The following CTNNA3 variants were observed in gnomAD, a reference collection of about 807,000 sequenced individuals.
CTNNA3 encodes the protein catenin alpha 3, also known as catenin alpha-3.
In CTNNA3, 76 loss-of-function variants were observed where a neutral mutation model predicts 95.7. That is an observed-to-expected ratio of 0.79 (90% CI 0.66 to 0.96). CTNNA3 has a LOEUF of 0.96. CTNNA3 is among the 40% of genes least tolerant of loss of function. CTNNA3 has a pLI of 0.00. For missense variants in CTNNA3, 1,191 were observed against 1,089.8 expected (o/e 1.09, Z -1.31); for synonymous variants, 431 against 374.4 (o/e 1.15, Z -1.74).
chr10:66,770,399 A>G (rs1157378720), intron 8 of CTNNA3, among the ~76,000 whole-genome samples: 1 of 152,178 alleles, frequency 6.6e-6, no homozygotes. Context: ...CAATATGCCA[A>G]TATAGAAATG....
At chr10:67,362,141 C>A (rs528867636) in intron 5 of CTNNA3, among the ~76,000 whole-genome samples, 89 of 151,788 alleles carry the variant, frequency 5.9e-4, no homozygotes, top group Admixed American at 9.2e-4. Flanking sequence ...TTCTACCAAC[C>A]AATAAAAGCC....
chr10:66,157,409 ATAGGTAGG>A (rs3053719), intron 13 of CTNNA3, among the ~76,000 whole-genome samples: 3,204 of 151,042 alleles, frequency 0.021, 118 homozygotes, highest in African/African-American at 0.074. Flanking sequence ...TCTATCATAG[ATAGGTAGG>A]TAGGTAGGTA....
chr10:66,378,747 C>T (rs1420161836), intron 12 of CTNNA3, among the ~76,000 whole-genome samples: 4 of 152,080 alleles, frequency 2.6e-5, no homozygotes, highest in Non-Finnish European at 5.9e-5. Flanking sequence ...TCTCTGGAAA[C>T]GTAGGACAGA....
chr10:67,530,068 C>G (rs184397346), intron 4 of CTNNA3, among the ~76,000 whole-genome samples: 2 of 152,328 alleles, frequency 1.3e-5, no homozygotes, highest in Admixed American at 6.5e-5. Flanking sequence ...GATTGTGTAG[C>G]CTCCCCAGCA....
chr10:67,033,265 G>A, intron 7 of CTNNA3, among the ~76,000 whole-genome samples: 1 of 152,120 alleles, frequency 6.6e-6, no homozygotes, highest in East Asian at 1.9e-4. Flanking sequence ...TTATGTGAGG[G>A]TGCTTTCCAG....
At position 67,272,506 on chromosome 10, in the gene CTNNA3, T is replaced by C. The variant is rs1217823259; in HGVS notation, c.580-52636A>G. Among the ~76,000 whole-genome samples the C allele has an allele frequency of 2.0e-5, 3 of 152,136 alleles. 1 individual carries two copies. The highest frequency in any genetic ancestry group is 4.8e-5 in the African/African-American group (2 of 41,420). Reference sequence around the variant, plus strand: ...AGTTGGAGGCTGTAGTCAGCTATCATTGTACCACTGCACTCCAGCCTGAGC... The same window carrying C: ...AGTTGGAGGCTGTAGTCAGCTATCACTGTACCACTGCACTCCAGCCTGAGC... On this transcript the variant is annotated intron_variant, in intron 5 of 17. Transcript: ENST00000433211.
chr10:66,489,709 T>C (rs1839857986), intron 11 of CTNNA3, among the ~76,000 whole-genome samples: 1 of 152,196 alleles, frequency 6.6e-6, no homozygotes, highest in Admixed American at 6.5e-5. Flanking sequence ...ATGCAAGTTA[T>C]GAAGAACTTT....
chr10:67,521,738 A>T (rs1296193725), intron 5 of CTNNA3, 104 bp downstream of exon 5: 1 of 1,407,196 alleles, frequency 7.1e-7, no homozygotes, highest in African/African-American at 1.4e-5. Context: ...TGCTCTAACC[A>T]TTAGAAGATA....
intron 3 of CTNNA3, among the ~76,000 whole-genome samples, chr10:67,580,386 C>G: frequency 6.6e-6 from 1 of 151,744 alleles, no homozygotes; most frequent in East Asian, 1.9e-4. Flanking sequence ...GGTATTATTT[C>G]TGAGGGCTCT....
At chr10:67,082,289 G>A (rs1857094293) in intron 7 of CTNNA3, among the ~76,000 whole-genome samples, 1 of 152,112 alleles carries the variant, frequency 6.6e-6, no homozygotes, top group African/African-American at 2.4e-5. Flanking sequence ...TAGTCCATCT[G>A]TGCTTTCTTC....
At chr10:66,471,440 T>C (rs948727660) in intron 11 of CTNNA3, among the ~76,000 whole-genome samples, 9 of 151,864 alleles carry the variant, frequency 5.9e-5, no homozygotes, top group Non-Finnish European at 2.9e-5. Flanking sequence ...GATGTTTTTG[T>C]CTTCTTTTTA....
At chr10:66,990,022 T>G (rs1850957610) in intron 7 of CTNNA3, among the ~76,000 whole-genome samples, 1 of 152,176 alleles carries the variant, frequency 6.6e-6, no homozygotes, top group African/African-American at 2.4e-5. Flanking sequence ...CGAAGAGAAA[T>G]GCAATAATAA....
At chr10:66,792,101 T>C (rs1385429260) in intron 7 of CTNNA3, among the ~76,000 whole-genome samples, 2 of 152,224 alleles carry the variant, frequency 1.3e-5, no homozygotes, top group Non-Finnish European at 1.5e-5. Context: ...ATATGCCACA[T>C]GCTGATTTAA....
intron 13 of CTNNA3, among the ~76,000 whole-genome samples, chr10:66,273,097 A>AT (rs1021161986): frequency 2.6e-5 from 4 of 151,920 alleles, no homozygotes; most frequent in South Asian, 2.1e-4. Flanking sequence ...TTGGCATATG[A>AT]TTTTTTTTCT....
chr10:66,504,070 C>T (rs72791590), intron 11 of CTNNA3, among the ~76,000 whole-genome samples: 23,097 of 151,930 alleles, frequency 0.15, 1,808 homozygotes, highest in Non-Finnish European at 0.17. Flanking sequence ...AGAACATTTA[C>T]TTGTTCTCTC....
intron 1 of CTNNA3, among the ~76,000 whole-genome samples, chr10:67,749,357 A>G (rs1473277891): frequency 1.3e-5 from 2 of 152,258 alleles, no homozygotes; most frequent in Non-Finnish European, 2.9e-5. Context: ...AATAGAATAT[A>G]CATTCTTCTC....
intron 15 of CTNNA3, among the ~76,000 whole-genome samples, chr10:66,048,255 A>G (rs372004422): frequency 1.6e-4 from 24 of 152,372 alleles, no homozygotes; most frequent in Admixed American, 7.2e-4. Context: ...TCAAAAATGC[A>G]TGGTACTGGT....
At chr10:66,620,331 C>T (rs2132313323) in intron 10 of CTNNA3, among the ~76,000 whole-genome samples, 1 of 147,598 alleles carries the variant, frequency 6.8e-6, no homozygotes, top group South Asian at 2.2e-4. Flanking sequence ...TTTAACAAAC[C>T]TAAGCAAATT....
intron 7 of CTNNA3, among the ~76,000 whole-genome samples, chr10:66,990,826 C>A (rs544780065): frequency 6.6e-6 from 1 of 152,228 alleles, no homozygotes; most frequent in South Asian, 2.1e-4. Flanking sequence ...ATATCCTATT[C>A]AAGGAAGTAA....
Sources: allele counts gnomAD v4.1 joint callset (sites outside exome capture counted in the v4.1 genomes callset), GRCh38; gene constraint gnomAD v4.1.1; transcripts MANE v1.5; gene names NCBI Gene and HGNC (gene_info 2026-07-23, HGNC 2026-07-21).